Variants in PPFIA4 observed in about 807,000 individuals in gnomAD.
The protein encoded by PPFIA4 is liprin-alpha-4.
PPFIA4 carries 98 observed loss-of-function variants against 145.7 expected under a neutral mutation model. The ratio of observed to expected loss-of-function variants is 0.67; its 90% CI spans 0.57 to 0.80. The LOEUF (loss-of-function observed/expected upper bound fraction) is 0.80, where lower values mean the gene tolerates loss of function less well. PPFIA4 is among the 30% of genes least tolerant of loss of function. The pLI is 0.00. For missense variants in PPFIA4, 1,457 were observed against 1,632.7 expected (o/e 0.89, Z 1.85); for synonymous variants, 628 against 649.6 (o/e 0.97, Z 0.51).
intron 1 of PPFIA4, among the ~76,000 whole-genome samples, chr1:203,032,281 C>G (rs1444598899): frequency 6.6e-6 from 1 of 151,998 alleles, no homozygotes; most frequent in Non-Finnish European, 1.5e-5. Context: ...TTGGACTGCC[C>G]CTAAAGGTAC....
At chr1:203,033,808 T>C (rs543452528) in intron 1 of PPFIA4, among the ~76,000 whole-genome samples, 6 of 151,992 alleles carry the variant, frequency 3.9e-5, no homozygotes, top group Non-Finnish European at 7.4e-5. Context: ...TGAAATGCCA[T>C]CTCTACTAAA....
At position 203,071,687 on chromosome 1, in the gene PPFIA4, T is replaced by G. The variant is rs768961513; in HGVS notation, c.3325-5T>G. 1.9e-6 allele frequency: 3 copies of G among 1,608,446 alleles called. No individual in the cohort carries two copies. The highest frequency in any genetic ancestry group is 2.6e-6 in the Non-Finnish European group (3 of 1,175,816). ...CCTTTCCCTCTCCTGCTCTATGGACTGCAGGCACGCCAAGTGATGGAAAGA... is the reference window on the plus strand; with the variant it reads ...CCTTTCCCTCTCCTGCTCTATGGACGGCAGGCACGCCAAGTGATGGAAAGA... On this transcript the variant is annotated splice_polypyrimidine_tract_variant and splice_region_variant and intron_variant, in intron 27 of 29. Coordinates refer to ENST00000295706, the MANE Select transcript of PPFIA4 (RefSeq NM_001304331.2).
chr1:203,043,536 G>A lies in PPFIA4; in HGVS notation c.336+38G>A. On this transcript the variant is annotated intron_variant, in intron 3 of 29. Coordinates refer to ENST00000295706, the MANE Select transcript of PPFIA4 (RefSeq NM_001304331.2). The surrounding 1 kb of genome is among the most constrained non-coding windows in gnomAD (Gnocchi z 4.4). ...GACCTTGTGTCGCGCGCGCGCACGT[G>A]TGTGTGTGTGTGTATGGGGGTGTGT... is the stretch of plus-strand genomic sequence containing the variant. The A allele has an allele frequency of 6.7e-7, 1 of 1,482,332 alleles. No individual in the cohort carries two copies. Among genetic ancestry groups the A allele is most frequent in the Non-Finnish European group, 9.2e-7 (1 of 1,083,590 alleles). The allele number at this position is 1,482,332 out of a possible 1,614,324, so 91.8% of individuals were successfully genotyped here.
At chr1:203,058,237 T>G (rs1661114251) in intron 19 of PPFIA4, among the ~76,000 whole-genome samples, 7 of 149,210 alleles carry the variant, frequency 4.7e-5, no homozygotes, top group South Asian at 2.1e-4. Flanking sequence ...GAGGAGGAGG[T>G]TGGGGAAAGA....
chr1:203,027,723 G>A (rs1229291446), intron 1 of PPFIA4, among the ~76,000 whole-genome samples: 3 of 152,140 alleles, frequency 2.0e-5, no homozygotes, highest in Admixed American at 1.3e-4. Flanking sequence ...TACTATGCTC[G>A]GTGCTAGGTC....
rs373549865 is a variant in PPFIA4, at chr1:203,056,235, C to T, written c.2106+80C>T. ...TCCTTTCAGCTTCCTCCCCCAGGGCCCTTGAGTCTGAGTCTGAACTCAGAG... is the reference window on the plus strand; with the variant it reads ...TCCTTTCAGCTTCCTCCCCCAGGGCTCTTGAGTCTGAGTCTGAACTCAGAG... On this transcript the variant is annotated intron_variant, in intron 17 of 29. Coordinates refer to ENST00000295706, the MANE Select transcript of PPFIA4 (RefSeq NM_001304331.2). 2.6e-5 allele frequency: 41 copies of T among 1,606,758 alleles called. No homozygotes were observed. The African/African-American group carries it at 4.7e-4, about 18-fold the overall frequency.
intron 15 of PPFIA4, 71 bp downstream of exon 15, chr1:203,054,032 T>A (rs1293313279): frequency 1.3e-6 from 2 of 1,484,796 alleles, no homozygotes; most frequent in South Asian, 1.2e-5. Flanking sequence ...GGAAAAACCC[T>A]ATATGGGTTT....
intron 14 of PPFIA4, among the ~76,000 whole-genome samples, chr1:203,052,312 G>A (rs1571701422): frequency 1.3e-5 from 2 of 152,254 alleles, no homozygotes; most frequent in Admixed American, 1.3e-4. Context: ...GGAGTTTTCC[G>A]AGAAGCAGCT....
At position 203,056,769 on chromosome 1, in the gene PPFIA4, G is replaced by C; in HGVS notation, c.2241-15G>C. On this transcript the variant is annotated splice_polypyrimidine_tract_variant and intron_variant, in intron 18 of 29. Transcript: ENST00000295706. Reference sequence around the variant, plus strand: ...TTTCTTCTTATTCCGCCCCCTTCTGGCTGTCACCCTGTAGTGCCTTGGAGG... The same window carrying C: ...TTTCTTCTTATTCCGCCCCCTTCTGCCTGTCACCCTGTAGTGCCTTGGAGG... 1.9e-6 allele frequency: 3 copies of C among 1,579,868 alleles called. No individual in the cohort carries two copies. The highest frequency in any genetic ancestry group is 2.6e-6 in the Non-Finnish European group (3 of 1,156,268).
At chr1:203,052,352 G>A (rs1173991392) in intron 14 of PPFIA4, among the ~76,000 whole-genome samples, 2 of 152,116 alleles carry the variant, frequency 1.3e-5, no homozygotes, top group African/African-American at 4.8e-5. Flanking sequence ...GTCTGCCTAG[G>A]GAGATTAGGG....
At chr1:203,054,697 CA>C (rs1660783490) in intron 15 of PPFIA4, among the ~76,000 whole-genome samples, 2 of 151,746 alleles carry the variant, frequency 1.3e-5, no homozygotes, top group Non-Finnish European at 2.9e-5. Context: ...CACACACACA[CA>C]CACATACACA....
chr1:203,028,228 G>A (rs1027903755), intron 1 of PPFIA4, among the ~76,000 whole-genome samples: 1 of 152,250 alleles, frequency 6.6e-6, no homozygotes, highest in South Asian at 2.1e-4. Context: ...TGAGCATGTC[G>A]TGATGTCAGA....
chr1:203,033,761 T>C (rs1225318666), intron 1 of PPFIA4, among the ~76,000 whole-genome samples: 2 of 152,164 alleles, frequency 1.3e-5, no homozygotes, highest in Admixed American at 1.3e-4. Flanking sequence ...GGCAGACAGC[T>C]GAGGTCAGGA....
In PPFIA4 at chr1:203,043,467, C is replaced by T. The variant is rs1427458309; in HGVS notation, c.305C>T (p.Ser102Leu). 1.9e-6 allele frequency: 3 copies of T among 1,611,154 alleles called. No homozygotes were observed. The Admixed American group carries it at 5.0e-5, about 27-fold the overall frequency. ...CTTCTAGAGCGGGAGGAAGAGATATCAGAACTGAAAGCAGAACGGAATAAC... is the reference window on the plus strand; with the variant it reads ...CTTCTAGAGCGGGAGGAAGAGATATTAGAACTGAAAGCAGAACGGAATAAC... ...EQLLEREEEI[S>L]ELKAERNNTR... The change falls in exon 3 of 30, where the codon TCA becomes TTA. Residue 102 changes from serine (S) to leucine (L), a missense_variant. This residue lies in a region of PPFIA4 where 463 missense variants were observed against 459.8 expected (regional missense o/e 1.01). Coordinates refer to ENST00000295706, the MANE Select transcript of PPFIA4 (RefSeq NM_001304331.2). This position sits in a 1 kb window ranked among gnomAD's most constrained non-coding sequence, Gnocchi z 4.4.
chr1:203,055,298 C>T lies in PPFIA4; in HGVS notation c.1830-134C>T. 2.6e-6 allele frequency: 3 copies of T among 1,168,578 alleles called. No individual in the cohort carries two copies. In the South Asian group the frequency reaches 4.2e-5, roughly 17 times the overall value. 72.4% of individuals were successfully genotyped at this position (1,168,578 alleles called of 1,614,324 possible). ...AAGAAAGAGATGTGTTTCTAAGCTC[C>T]AGTGGGACAGACAAAGCCTGGCGGG... On this transcript the variant is annotated intron_variant, in intron 15 of 29. Coordinates refer to ENST00000295706, the MANE Select transcript of PPFIA4 (RefSeq NM_001304331.2). The surrounding 1 kb of genome is among the most constrained non-coding windows in gnomAD (Gnocchi z 4.8).
At chr1:203,061,828 C>A in intron 24 of PPFIA4, 150 bp downstream of exon 24, 1 of 776,196 alleles carries the variant, frequency 1.3e-6, no homozygotes. Context: ...GCCCCCCGCC[C>A]CCACCCAGTT....
At chr1:203,069,620 C>T (rs1368148933) in intron 27 of PPFIA4, among the ~76,000 whole-genome samples, 2 of 152,184 alleles carry the variant, frequency 1.3e-5, no homozygotes, top group Admixed American at 1.3e-4. Flanking sequence ...GCTGCACAGG[C>T]TATTCTGGGA....
In PPFIA4 at chr1:203,060,846, G is replaced by A. The variant is rs1661309984; in HGVS notation, c.2785-124G>A. The A allele has an allele frequency of 1.2e-6, 1 of 833,664 alleles. No individual in the cohort carries two copies. The allele number at this position is 833,664 out of a possible 1,614,324, so 51.6% of individuals were successfully genotyped here. A position where few individuals can be genotyped will look rare whatever the true frequency, so the allele number is the denominator to read the frequency against. ...TTCATTGTCGGCCATCTCCATGATT[G>A]AGACCAGCCCCCATTTCAGAGGACT... On this transcript the variant is annotated intron_variant, in intron 22 of 29. Transcript: ENST00000295706. The surrounding 1 kb of genome is among the most constrained non-coding windows in gnomAD (Gnocchi z 4.8).
chr1:203,057,219 AT>A (rs1198863424), intron 19 of PPFIA4, among the ~76,000 whole-genome samples: 1 of 152,166 alleles, frequency 6.6e-6, no homozygotes, highest in African/African-American at 2.4e-5. Context: ...GGTCTCCTGT[AT>A]TGAGTGAAAG....
Sources: gnomAD v4.1 joint callset for allele counts (sites outside exome capture counted in the v4.1 genomes callset) on GRCh38, gnomAD v4.1.1 for gene constraint, gnomAD v4.1.1 regional missense constraint, Gnocchi (gnomAD v3.1) non-coding constraint, MANE v1.5 for transcripts, NCBI Gene and HGNC (gene_info 2026-07-23, HGNC 2026-07-21) for gene names.